ZNF644: variants seen among roughly 807,000 people sequenced by gnomAD.
ZNF644 encodes zinc finger motif enhancer binding protein 2.
In ZNF644, 20 loss-of-function variants were observed where a neutral mutation model predicts 108.0. The ratio of observed to expected loss-of-function variants is 0.19; its 90% CI spans 0.13 to 0.27. The LOEUF (loss-of-function observed/expected upper bound fraction) is 0.27. ZNF644 is among the 10% of genes least tolerant of loss of function. The pLI, the probability that ZNF644 is intolerant of heterozygous loss-of-function variation, is 1.00. For missense variants in ZNF644, 1,338 were observed against 1,548.9 expected (o/e 0.86, Z 2.29); for synonymous variants, 542 against 539.1 (o/e 1.01, Z -0.08).
chr1:90,938,689 A>G lies in ZNF644; in HGVS notation c.2665T>C (p.Leu889=). 6.2e-7 allele frequency: 1 copy of G among 1,612,600 alleles called. No individual in the cohort carries two copies. The highest frequency in any genetic ancestry group is 8.5e-7 in the Non-Finnish European group (1 of 1,179,644). ...YSDINQEHVN[L]FPLFKSKVEG... ...ACTTTGCTCTTAAATAAAGGGAATAAATTTACATGCTCTTGATTAATATCA... is the reference window on the plus strand; with the variant it reads ...ACTTTGCTCTTAAATAAAGGGAATAGATTTACATGCTCTTGATTAATATCA... The change falls in exon 3 of 6, where the codon TTA becomes CTA. Residue 889 remains leucine (L), a synonymous_variant. Transcript: ENST00000337393. The surrounding 1 kb of genome is among the most constrained non-coding windows in gnomAD (Gnocchi z 4.2).
chr1:90,917,251 T>C (rs529950996), intron 5 of ZNF644, among the ~76,000 whole-genome samples: 1 of 152,318 alleles, frequency 6.6e-6, no homozygotes, highest in African/African-American at 2.4e-5. Context: ...CTTAATTCAC[T>C]TGAAACAACA....
chr1:91,010,458 G>C (rs1008316194), intron 1 of ZNF644, among the ~76,000 whole-genome samples: 3 of 149,112 alleles, frequency 2.0e-5, no homozygotes, highest in African/African-American at 7.4e-5. Context: ...CACCATGTTG[G>C]CGAGGCTGGT....
At chr1:90,932,975 A>G (rs529084213) in intron 4 of ZNF644, among the ~76,000 whole-genome samples, 46 of 152,288 alleles carry the variant, frequency 3.0e-4, no homozygotes, top group Non-Finnish European at 6.3e-4. Flanking sequence ...GTACTTAATC[A>G]TATTTTTAAA....
chr1:90,935,634 A>G, intron 4 of ZNF644: 1 of 782,626 alleles, frequency 1.3e-6, no homozygotes, highest in Non-Finnish European at 1.6e-6. Context: ...GGTTTTCAAA[A>G]CGTTCAATGA....
At chr1:90,919,367 C>A (rs1428149199) in intron 4 of ZNF644, among the ~76,000 whole-genome samples, 1 of 152,064 alleles carries the variant, frequency 6.6e-6, no homozygotes, top group Non-Finnish European at 1.5e-5. Context: ...ACTGGCTGTT[C>A]AATGACTCTG....
At chr1:90,974,567 C>A (rs968264368) in intron 2 of ZNF644, among the ~76,000 whole-genome samples, 1 of 152,154 alleles carries the variant, frequency 6.6e-6, no homozygotes, top group African/African-American at 2.4e-5. Context: ...TCATACTTAA[C>A]TCCTTTCTTA....
intron 1 of ZNF644, among the ~76,000 whole-genome samples, chr1:91,011,704 T>C (rs1475834909): frequency 6.6e-6 from 1 of 152,204 alleles, no homozygotes; most frequent in Non-Finnish European, 1.5e-5. Flanking sequence ...GTCCATAAGG[T>C]AACATTCTAG....
intron 2 of ZNF644, among the ~76,000 whole-genome samples, chr1:90,943,620 T>C (rs1652232980): frequency 6.6e-6 from 1 of 152,120 alleles, no homozygotes; most frequent in African/African-American, 2.4e-5. Context: ...TTTCCACCCC[T>C]CGTAGGTTTT....
intron 2 of ZNF644, among the ~76,000 whole-genome samples, chr1:90,959,072 G>A (rs1437914710): frequency 6.6e-6 from 1 of 151,718 alleles, no homozygotes; most frequent in African/African-American, 2.4e-5. Flanking sequence ...ACAACAAAAA[G>A]ACAACCTAAT....
intron 4 of ZNF644, among the ~76,000 whole-genome samples, chr1:90,927,049 C>T (rs558718478): frequency 1.3e-5 from 2 of 152,260 alleles, no homozygotes; most frequent in African/African-American, 4.8e-5. Flanking sequence ...TTCCACCTTG[C>T]TCCCTCTTTC....
At chr1:90,980,788 G>A (rs571650937) in intron 2 of ZNF644, among the ~76,000 whole-genome samples, 4 of 152,210 alleles carry the variant, frequency 2.6e-5, no homozygotes, top group African/African-American at 9.6e-5. Flanking sequence ...TCAGAAAGAT[G>A]ATTACTTCAG....
At chr1:90,963,983 AACAAT>A (rs1158333189) in intron 2 of ZNF644, among the ~76,000 whole-genome samples, 1 of 152,180 alleles carries the variant, frequency 6.6e-6, no homozygotes, top group Non-Finnish European at 1.5e-5. Context: ...GACCCTAGAA[AACAAT>A]ACATTACACA....
intron 1 of ZNF644, among the ~76,000 whole-genome samples, chr1:90,998,556 C>T (rs903045666): frequency 2.0e-5 from 3 of 152,212 alleles, no homozygotes; most frequent in Admixed American, 6.5e-5. Context: ...ACGTCATCTA[C>T]ATCATCAAGG....
In ZNF644 at chr1:91,010,363, C is replaced by T. The variant is rs144285600; in HGVS notation, c.-18+11627G>A. Among the ~76,000 whole-genome samples the T allele has an allele frequency of 1.9e-3, 284 of 151,400 alleles. 4 individuals carry two copies. In the East Asian group the frequency reaches 0.023, roughly 12 times the overall value. On this transcript the variant is annotated intron_variant, in intron 1 of 5. Coordinates refer to ENST00000337393, the MANE Select transcript of ZNF644 (RefSeq NM_201269.3). ...AAGTGATTCTCCTGCCTCAGCTTCC[C>T]GAATAGCTGGGATTGCAGGCACCCA...
intron 1 of ZNF644, among the ~76,000 whole-genome samples, chr1:91,009,300 CTTCTG>C (rs1245531351): frequency 3.3e-5 from 5 of 151,940 alleles, no homozygotes; most frequent in African/African-American, 9.7e-5. Context: ...AGTTCCCAAG[CTTCTG>C]TTCTATTTCC....
intron 4 of ZNF644, among the ~76,000 whole-genome samples, chr1:90,935,708 T>A (rs1651242566): frequency 1.3e-5 from 2 of 152,206 alleles, no homozygotes; most frequent in Non-Finnish European, 2.9e-5. Flanking sequence ...TAGTTAGTAT[T>A]TAGAGTCAAC....
chr1:90,916,994 C>G lies in ZNF644; in HGVS notation c.3792-4G>C. On this transcript the variant is annotated splice_region_variant and splice_polypyrimidine_tract_variant and intron_variant, in intron 5 of 5. Transcript: ENST00000337393. ...TCGAAAGACTAGGCCACAAAACCTA[C>G]AGAAAGATAACAATTCTCTTAACAT... The G allele has an allele frequency of 1.2e-6, 2 of 1,614,094 alleles. No homozygotes were observed. The highest frequency in any genetic ancestry group is 1.7e-6 in the Non-Finnish European group (2 of 1,179,960).
chr1:90,948,672 T>C (rs1652765351), intron 2 of ZNF644, among the ~76,000 whole-genome samples: 1 of 152,188 alleles, frequency 6.6e-6, no homozygotes, highest in African/African-American at 2.4e-5. Flanking sequence ...ATACAGAAAG[T>C]CGACTATATT....
intron 2 of ZNF644, chr1:90,973,319 T>TA (rs1289574757): frequency 2.6e-5 from 4 of 152,118 alleles, no homozygotes; most frequent in African/African-American, 9.7e-5. Flanking sequence ...TAGTATTTCT[T>TA]ATGTTATTTC....
Sources: allele counts gnomAD v4.1 joint callset (sites outside exome capture counted in the v4.1 genomes callset), GRCh38; gene constraint gnomAD v4.1.1; non-coding constraint Gnocchi (gnomAD v3.1); transcripts MANE v1.5; gene names NCBI Gene and HGNC (gene_info 2026-07-23, HGNC 2026-07-21).